KDM4B: variants seen among roughly 807,000 people sequenced by gnomAD.
The protein encoded by KDM4B is lysine-specific demethylase 4B.
KDM4B carries 32 observed loss-of-function variants against 125.2 expected under a neutral mutation model. The observed-to-expected ratio is 0.26, with a 90% confidence interval of 0.19 to 0.34. KDM4B has a LOEUF of 0.34. KDM4B is among the 10% of genes least tolerant of loss of function. The probability of loss-of-function intolerance (pLI) is 1.00; values close to 1 mark genes in which losing one functional copy is unlikely to be tolerated. For missense variants in KDM4B, 1,190 were observed against 1,577.7 expected (o/e 0.75, Z 4.16); for synonymous variants, 721 against 677.9 (o/e 1.06, Z -0.99).
In KDM4B at chr19:5,119,794, G is replaced by A. The variant is rs1450494046; in HGVS notation, c.1257G>A (p.Glu419=). 1 of 1,462,548 alleles carries A rather than the reference G, an allele frequency of 6.8e-7. No homozygotes were observed. The highest frequency in any genetic ancestry group is 9.2e-7 in the Non-Finnish European group (1 of 1,089,112). 90.6% of individuals were successfully genotyped at this position (1,462,548 alleles called of 1,614,324 possible). ...AGGCTGGGCCGGAGGTTGACCCCGA[G>A]GAGGAGGAGGAGGAGCCGCAGCCAC... ...KEEAGPEVDP[E]EEEEEPQPLP... is the part of the protein sequence containing the mutation. Residue 419 remains glutamate, a synonymous_variant, in exon 11 of 23, where the codon GAG becomes GAA. Coordinates refer to ENST00000159111, the MANE Select transcript of KDM4B (RefSeq NM_015015.3).
rs1294072062 is a variant in KDM4B, at chr19:5,047,729, A to G, written c.626+60A>G. The G allele has an allele frequency of 1.9e-5, 30 of 1,542,024 alleles. No individual in the cohort carries two copies. In the Admixed American group the frequency reaches 3.1e-4, roughly 16 times the overall value. Reference sequence around the variant, plus strand: ...CCGAGAGCCCCTCGGGAGGGAGTCAATCCCGGGTACACGGCTGGGCGCCGT... The same window carrying G: ...CCGAGAGCCCCTCGGGAGGGAGTCAGTCCCGGGTACACGGCTGGGCGCCGT... On this transcript the variant is annotated intron_variant, in intron 6 of 22. Coordinates refer to ENST00000159111, the MANE Select transcript of KDM4B (RefSeq NM_015015.3).
chr19:4,990,561 T>C (rs556808750), intron 1 of KDM4B, among the ~76,000 whole-genome samples: 1 of 152,130 alleles, frequency 6.6e-6, no homozygotes, highest in South Asian at 2.1e-4. Context: ...AGGTCATGAG[T>C]ATTGGGCAAA....
intron 15 of KDM4B, among the ~76,000 whole-genome samples, chr19:5,136,303 C>A (rs2039647399): frequency 6.6e-6 from 1 of 152,236 alleles, no homozygotes; most frequent in African/African-American, 2.4e-5. Context: ...GAGGCTCGAC[C>A]ATGGTCACAG....
At chr19:4,970,222 A>G (rs1221059973) in intron 1 of KDM4B, among the ~76,000 whole-genome samples, 1 of 152,206 alleles carries the variant, frequency 6.6e-6, no homozygotes, top group Admixed American at 6.5e-5. Context: ...CCCTGGGGGC[A>G]GTGGAGGCAT....
chr19:4,995,878 C>T (rs1320434146), intron 1 of KDM4B, among the ~76,000 whole-genome samples: 2 of 152,162 alleles, frequency 1.3e-5, no homozygotes, highest in South Asian at 2.1e-4. Context: ...TCCTGGTCGC[C>T]GCGGTGTCAC....
At chr19:5,132,853 C>A (rs1939015124) in intron 13 of KDM4B, among the ~76,000 whole-genome samples, 2 of 152,218 alleles carry the variant, frequency 1.3e-5, no homozygotes, top group Admixed American at 6.5e-5. Flanking sequence ...TTCTCATCCC[C>A]AGGGCCTCGG....
chr19:5,037,050 A>G (rs765226955), intron 3 of KDM4B, among the ~76,000 whole-genome samples: 12 of 152,244 alleles, frequency 7.9e-5, no homozygotes, highest in African/African-American at 1.2e-4. Context: ...CAGATGAGCA[A>G]TGTAGCCCGA....
At chr19:5,133,757 G>C in intron 13 of KDM4B, 126 bp from the exon 14 acceptor site, 1 of 925,326 alleles carries the variant, frequency 1.1e-6, no homozygotes, top group Non-Finnish European at 1.6e-6. Context: ...GGAGCTATGG[G>C]CCAGGGACCC....
chr19:5,062,765 T>C (rs1040521975), intron 6 of KDM4B, among the ~76,000 whole-genome samples: 1 of 148,364 alleles, frequency 6.7e-6, no homozygotes, highest in Non-Finnish European at 1.5e-5. Flanking sequence ...ACTTATGTTA[T>C]AATTAAACTG....
chr19:5,119,388 A>G (rs1003018636), intron 10 of KDM4B, among the ~76,000 whole-genome samples: 1 of 151,920 alleles, frequency 6.6e-6, no homozygotes, highest in Admixed American at 6.5e-5. Context: ...TCCAGCTGTC[A>G]TCAGCGTCCC....
At chr19:5,060,591 C>T (rs1256016031) in intron 6 of KDM4B, among the ~76,000 whole-genome samples, 2 of 152,064 alleles carry the variant, frequency 1.3e-5, no homozygotes, top group Non-Finnish European at 2.9e-5. Context: ...GGCAAGGGGT[C>T]CCCACTGAGG....
At chr19:5,020,395 G>A (rs558250410) in intron 2 of KDM4B, among the ~76,000 whole-genome samples, 47 of 152,170 alleles carry the variant, frequency 3.1e-4, no homozygotes, top group African/African-American at 8.7e-4. Flanking sequence ...CCCTTGGGCC[G>A]ACACATGGGT....
At chr19:5,137,707 G>A in intron 17 of KDM4B, 31 bp downstream of exon 17, 1 of 1,553,006 alleles carries the variant, frequency 6.4e-7, no homozygotes, top group South Asian at 1.2e-5. Context: ...GGGCTGGAGG[G>A]CCGGAGGGGA....
chr19:5,100,425 T>TGTTGTTGTC (rs1044546247), intron 9 of KDM4B, among the ~76,000 whole-genome samples: 1 of 152,212 alleles, frequency 6.6e-6, no homozygotes, highest in African/African-American at 2.4e-5. Flanking sequence ...TTGTTGTTGT[T>TGTTGTTGTC]GTTGTCTTCA....
Position 5,151,436 on chromosome 19 carries a change from C to G in KDM4B, c.3216C>G (p.Ser1072=). Residue 1072 remains serine, a synonymous_variant, in exon 23 of 23, where the codon TCC becomes TCG. Transcript: ENST00000159111. ...GCACCCCGCTTGCCACGGAGGACTC[C>G]GGGCGGAGCCAGGACTACGTGGCCT... is the stretch of plus-strand genomic sequence containing the variant. ...RVGTPLATED[S]GRSQDYVAFV... 1.3e-6 allele frequency: 2 copies of G among 1,558,480 alleles called. No individual in the cohort carries two copies. Among genetic ancestry groups the G allele is most frequent in the Non-Finnish European group, 1.7e-6 (2 of 1,155,078 alleles).
At chr19:5,084,782 C>G (rs977084117) in intron 9 of KDM4B, among the ~76,000 whole-genome samples, 9 of 151,400 alleles carry the variant, frequency 5.9e-5, no homozygotes, top group African/African-American at 1.9e-4. Context: ...CCACTGCACT[C>G]GAGCCTGGGC....
intron 6 of KDM4B, among the ~76,000 whole-genome samples, chr19:5,057,513 G>A (rs1448060648): frequency 6.6e-6 from 1 of 152,224 alleles, no homozygotes; most frequent in Non-Finnish European, 1.5e-5. Flanking sequence ...TGCTGCTCAT[G>A]TAAGAAATTC....
intron 6 of KDM4B, among the ~76,000 whole-genome samples, chr19:5,061,879 G>A (rs1423295387): frequency 6.6e-6 from 1 of 151,504 alleles, no homozygotes; most frequent in Non-Finnish European, 1.5e-5. Flanking sequence ...AAAAAAAACA[G>A]AAGAAAGAAA....
chr19:5,114,101 G>C lies in KDM4B; in HGVS notation c.1115+3283G>C. On this transcript the variant is annotated intron_variant, in intron 10 of 22. Coordinates refer to ENST00000159111, the MANE Select transcript of KDM4B (RefSeq NM_015015.3). This position sits in a 1 kb window ranked among gnomAD's most constrained non-coding sequence, Gnocchi z 5.8. ...CCTCAGCCTCCCCACTCCCGGTGGC[G>C]CTGTGCGTTCTGGTGCCCTGCCTGA... 1 of 1,289,458 alleles carries C rather than the reference G, an allele frequency of 7.8e-7. No homozygotes were observed. Among genetic ancestry groups the C allele is most frequent in the Non-Finnish European group, 1.0e-6 (1 of 988,744 alleles). The allele number at this position is 1,289,458 out of a possible 1,614,324, so 79.9% of individuals were successfully genotyped here.
Sources: allele counts gnomAD v4.1 joint callset (sites outside exome capture counted in the v4.1 genomes callset), GRCh38; gene constraint gnomAD v4.1.1; non-coding constraint Gnocchi (gnomAD v3.1); transcripts MANE v1.5; gene names NCBI Gene and HGNC (gene_info 2026-07-23, HGNC 2026-07-21).